PLEKHG2: variants seen among roughly 807,000 people sequenced by gnomAD.
The protein encoded by PLEKHG2 is pleckstrin homology domain-containing family G member 2.
In PLEKHG2, 71 loss-of-function variants were observed where a neutral mutation model predicts 104.4. The ratio of observed to expected loss-of-function variants is 0.68; its 90% CI spans 0.56 to 0.83. The LOEUF (loss-of-function observed/expected upper bound fraction) is 0.83. Among genes scored for constraint, PLEKHG2 ranks in the 40% least tolerant of loss-of-function variants. The pLI is 0.00. For missense variants in PLEKHG2, 1,730 were observed against 1,809.4 expected (o/e 0.96, Z 0.80); for synonymous variants, 728 against 737.0 (o/e 0.99, Z 0.20).
intron 7 of PLEKHG2, 148 bp downstream of exon 7, chr19:39,417,148 C>T: frequency 1.1e-6 from 1 of 931,536 alleles, no homozygotes; most frequent in South Asian, 1.9e-5. Flanking sequence ...CGCGCACAGC[C>T]CTAGCTTTTT....
In PLEKHG2 at chr19:39,415,045, C is replaced by A; in HGVS notation, c.163C>A (p.Leu55Met). 6.3e-7 allele frequency: 1 copy of A among 1,598,856 alleles called. No individual in the cohort carries two copies. The highest frequency in any genetic ancestry group is 2.3e-5 in the East Asian group (1 of 43,834). ...SPRGSGSSTS[L>M]STVGSEGDPA... ...CCGAGGTTCTGGGAGCTCCACATCCCTGAGCACAGTGGGCTCTGAGGGGGA... is the reference window on the plus strand; with the variant it reads ...CCGAGGTTCTGGGAGCTCCACATCCATGAGCACAGTGGGCTCTGAGGGGGA... Residue 55 changes from leucine (L) to methionine (M), a missense_variant, in exon 3 of 19, where the codon CTG (leucine) becomes ATG (methionine). Leu to Met is a conservative substitution (Grantham distance 15, BLOSUM62 2). Transcript: ENST00000425673. This position sits in a 1 kb window ranked among gnomAD's most constrained non-coding sequence, Gnocchi z 4.6.
In PLEKHG2 at chr19:39,425,502, G is replaced by C. The variant is rs1431635458; in HGVS notation, c.*208G>C. 1 of 771,214 alleles carries C rather than the reference G, an allele frequency of 1.3e-6. No individual in the cohort carries two copies. The highest frequency in any genetic ancestry group is 2.7e-5 in the South Asian group (1 of 36,878). 47.8% of individuals were successfully genotyped at this position (771,214 alleles called of 1,614,324 possible). ...ATGTCATTAATGTTTTGTTAATACT[G>C]ATTCTTTCATGCAATGATGTGTATT... On this transcript the variant is annotated 3_prime_UTR_variant, in exon 19 of 19. Coordinates refer to ENST00000425673, the MANE Select transcript of PLEKHG2 (RefSeq NM_022835.3).
At position 39,423,787 on chromosome 19, in the gene PLEKHG2, CAT is replaced by C. The variant is rs2078739758; in HGVS notation, c.2655_2656del (p.Ala887ProfsTer37). Reference sequence around the variant, plus strand: ...GTATGTGAGCTGGCCTTCCCACTGACATGTGCCCAGGAGTCTGTCCCCCTGGG... The same window carrying C: ...GTATGTGAGCTGGCCTTCCCACTGACGTGCCCAGGAGTCTGTCCCCCTGGG... On this transcript the variant is annotated frameshift_variant, in exon 19 of 19. Coordinates refer to ENST00000425673, the MANE Select transcript of PLEKHG2 (RefSeq NM_022835.3). LOFTEE classifies it low-confidence loss of function (END_TRUNC). The C allele has an allele frequency of 3.7e-6, 6 of 1,614,010 alleles. No individual in the cohort carries two copies. The highest frequency in any genetic ancestry group is 2.2e-5 in the South Asian group (2 of 91,072).
chr19:39,413,377 G>C lies in PLEKHG2; in HGVS notation c.-58G>C, dbSNP rs960598531. 3 of 152,212 alleles carry C rather than the reference G, an allele frequency of 2.0e-5. No individual in the cohort carries two copies. Among genetic ancestry groups the C allele is most frequent in the South Asian group, 2.1e-4 (1 of 4,830 alleles). 9.4% of individuals were successfully genotyped at this position (152,212 alleles called of 1,614,324 possible). A position where few individuals can be genotyped will look rare whatever the true frequency, so the allele number is the denominator to read the frequency against. On this transcript the variant is annotated 5_prime_UTR_variant, in exon 1 of 19. Transcript: ENST00000425673. The surrounding 1 kb of genome is among the most constrained non-coding windows in gnomAD (Gnocchi z 4.5). ...CCGCGTCGGGGTCGCGCAGGAGCCG[G>C]GCTGCCTCGAGCCGGGGCTGGAGGC...
rs370683646 is a variant in PLEKHG2, at chr19:39,415,325, A to G, written c.379-14A>G. 9 of 1,612,998 alleles carry G rather than the reference A, an allele frequency of 5.6e-6. No individual in the cohort carries two copies. Among genetic ancestry groups the G allele is most frequent in the Non-Finnish European group, 7.6e-6 (9 of 1,179,344 alleles). ...CCAGCCCCTTGGCCCCCATAACCCC[A>G]GTCATCCCAACAGGACTACCTGGGC... On this transcript the variant is annotated splice_polypyrimidine_tract_variant and intron_variant, in intron 3 of 18. Coordinates refer to ENST00000425673, the MANE Select transcript of PLEKHG2 (RefSeq NM_022835.3). The surrounding 1 kb of genome is among the most constrained non-coding windows in gnomAD (Gnocchi z 4.6).
At chr19:39,418,866 G>C (rs748314019) in intron 10 of PLEKHG2, 40 bp downstream of exon 10, 81 of 1,596,340 alleles carry the variant, frequency 5.1e-5, no homozygotes, top group Non-Finnish European at 6.9e-5. Flanking sequence ...GGATCCCCCA[G>C]CCTCGAGACC....
chr19:39,414,478 C>T (rs1017568180), intron 2 of PLEKHG2, among the ~76,000 whole-genome samples: 5 of 152,100 alleles, frequency 3.3e-5, no homozygotes, highest in East Asian at 1.9e-4. Context: ...GAAGGAGTTG[C>T]GCAAAGACAA....
Position 39,417,919 on chromosome 19 carries a change from G to A in PLEKHG2, c.897G>A (p.Arg299=), listed in dbSNP as rs1469893271. Residue 299 remains arginine (R), a synonymous_variant, in exon 9 of 19, where the codon CGG becomes CGA. Transcript: ENST00000425673. Reference sequence around the variant, plus strand: ...GGTCCCGGCAGGAAGTGCAGCGGCGGCTGGGTGGCTGGACCGGACCAGAGC... The same window carrying A: ...GGTCCCGGCAGGAAGTGCAGCGGCGACTGGGTGGCTGGACCGGACCAGAGC... ...HAARLQEVQR[R]LGGWTGPELS... 24 of 1,541,496 alleles carry A rather than the reference G, an allele frequency of 1.6e-5. No individual in the cohort carries two copies. Among genetic ancestry groups the A allele is most frequent in the Non-Finnish European group, 2.0e-5 (23 of 1,145,334 alleles).
Position 39,415,265 on chromosome 19 carries a change from G to A in PLEKHG2, c.378+5G>A, listed in dbSNP as rs2078584436. ...GACCTCCGCAGCATCGTGGAGGTAAGGCGGGCAGACACCAGAGGGCAGTGG... is the reference window on the plus strand; with the variant it reads ...GACCTCCGCAGCATCGTGGAGGTAAAGCGGGCAGACACCAGAGGGCAGTGG... On this transcript the variant is annotated splice_donor_5th_base_variant and intron_variant, in intron 3 of 18. Coordinates refer to ENST00000425673, the MANE Select transcript of PLEKHG2 (RefSeq NM_022835.3). The surrounding 1 kb of genome is among the most constrained non-coding windows in gnomAD (Gnocchi z 4.6). The A allele has an allele frequency of 6.3e-7, 1 of 1,596,836 alleles. No individual in the cohort carries two copies.
In PLEKHG2 at chr19:39,423,427, G is replaced by C. The variant is rs1274879420; in HGVS notation, c.2373G>C (p.Leu791=). 1.2e-6 allele frequency: 2 copies of C among 1,610,774 alleles called. No individual in the cohort carries two copies. The highest frequency in any genetic ancestry group is 1.7e-6 in the Non-Finnish European group (2 of 1,178,354). The change falls in exon 18 of 19, where the codon CTG becomes CTC. Residue 791 remains leucine, a synonymous_variant. Coordinates refer to ENST00000425673, the MANE Select transcript of PLEKHG2 (RefSeq NM_022835.3). Reference sequence around the variant, plus strand: ...GCTTCCCAGAGCCACTGCTGATCCTGGAGGATTCGGATCTGGGTGGAGACA... The same window carrying C: ...GCTTCCCAGAGCCACTGCTGATCCTCGAGGATTCGGATCTGGGTGGAGACA... The part of the protein sequence containing the change: ...RPGFPEPLLI[L]EDSDLGGDSG...
In PLEKHG2 at chr19:39,415,088, C is replaced by T; in HGVS notation, c.206C>T (p.Thr69Ile). Residue 69 changes from threonine to isoleucine, a missense_variant, in exon 3 of 19, where the codon ACT becomes ATT. Thr to Ile is a moderately conservative substitution (Grantham distance 89). Coordinates refer to ENST00000425673, the MANE Select transcript of PLEKHG2 (RefSeq NM_022835.3). This position sits in a 1 kb window ranked among gnomAD's most constrained non-coding sequence, Gnocchi z 4.6. ...GSEGDPAPGP[T>I]PACSASRPEP... Reference sequence around the variant, plus strand: ...GAGGGGGATCCAGCCCCTGGGCCCACTCCAGCCTGCTCAGCCTCCAGGCCA... The same window carrying T: ...GAGGGGGATCCAGCCCCTGGGCCCATTCCAGCCTGCTCAGCCTCCAGGCCA... The T allele has an allele frequency of 6.3e-7, 1 of 1,591,296 alleles. No homozygotes were observed.
In PLEKHG2 at chr19:39,416,974, A is replaced by G. The variant is rs758856107; in HGVS notation, c.718A>G (p.Ile240Val). The G allele has an allele frequency of 3.1e-6, 5 of 1,612,586 alleles. No homozygotes were observed. In the South Asian group the frequency reaches 5.5e-5, roughly 18 times the overall value. The change falls in exon 7 of 19, where the codon ATT becomes GTT. Residue 240 changes from isoleucine to valine, a missense_variant. By Grantham distance (29) the Ile-to-Val change is conservative. Transcript: ENST00000425673. This position sits in a 1 kb window ranked among gnomAD's most constrained non-coding sequence, Gnocchi z 4.5. ...CTTCCTGCTGAAACCTGTCCAGCGC[A>G]TTCTCAAGTACCATCTGCTGCTGCA... ...QSFLLKPVQR[I>V]LKYHLLLQEL...
chr19:39,418,884 TG>T, intron 10 of PLEKHG2, 32 bp from the exon 11 acceptor site: 1 of 1,598,458 alleles, frequency 6.3e-7, no homozygotes, highest in Middle Eastern at 1.7e-4. Context: ...ACCTCACACC[TG>T]GCCCCCTGAC....
chr19:39,420,074 G>T (rs1166033754), intron 11 of PLEKHG2, among the ~76,000 whole-genome samples: 6 of 151,002 alleles, frequency 4.0e-5, no homozygotes, highest in African/African-American at 1.5e-4. Flanking sequence ...AAATAAAATA[G>T]CTGGGCTGGA....
At chr19:39,417,237 C>G (rs1471977459) in intron 7 of PLEKHG2, among the ~76,000 whole-genome samples, 1 of 152,124 alleles carries the variant, frequency 6.6e-6, no homozygotes, top group Non-Finnish European at 1.5e-5. Context: ...ACTGCAACCT[C>G]CACCTCCTGG....
In PLEKHG2 at chr19:39,417,965, G is replaced by A. The variant is rs1318044263; in HGVS notation, c.943G>A (p.Val315Met). The change falls in exon 9 of 19, where the codon GTG (valine) becomes ATG (methionine). Residue 315 changes from valine (V) to methionine (M), a missense_variant. By Grantham distance (21) the Val-to-Met change is conservative. Coordinates refer to ENST00000425673, the MANE Select transcript of PLEKHG2 (RefSeq NM_022835.3). ...GPELSAFGEL[V>M]LEGAFRGGGG... The stretch of plus-strand genomic sequence containing the variant: ...AGAGCTCAGTGCTTTTGGGGAACTG[G>A]TGTTGGAGGGCGCGTTCCGAGGAGG... The A allele has an allele frequency of 5.2e-6, 8 of 1,544,446 alleles. No homozygotes were observed. In the Admixed American group the frequency reaches 1.6e-4, roughly 31 times the overall value.
chr19:39,419,900 A>AAAAG (rs35332828), intron 11 of PLEKHG2, among the ~76,000 whole-genome samples: 86,001 of 149,700 alleles, frequency 0.57, 25,091 homozygotes, highest in Middle Eastern at 0.69. Flanking sequence ...AAGAAAAAGA[A>AAAAG]AAATTAGCTG....
In PLEKHG2 at chr19:39,425,071, C is replaced by G. The variant is rs767068141; in HGVS notation, c.3938C>G (p.Thr1313Arg). The G allele has an allele frequency of 8.1e-6, 13 of 1,595,626 alleles. No individual in the cohort carries two copies. The highest frequency in any genetic ancestry group is 1.1e-5 in the Non-Finnish European group (13 of 1,171,410). ...CGGGGCTCCTGGTCCTCTGCTCCCA[C>G]GTCACGGGCATCTTCGCCGCCCCCC... is the stretch of plus-strand genomic sequence containing the variant. ...ASRGSWSSAP[T>R]SRASSPPPQP... Residue 1313 changes from threonine (T) to arginine (R), a missense_variant, in exon 19 of 19, where the codon ACG becomes AGG. Transcript: ENST00000425673.
At position 39,416,496 on chromosome 19, in the gene PLEKHG2, G is replaced by GAA; in HGVS notation, c.547-55_547-54insAA. 6.2e-7 allele frequency: 1 copy of GAA among 1,612,642 alleles called. No individual in the cohort carries two copies. The highest frequency in any genetic ancestry group is 8.5e-7 in the Non-Finnish European group (1 of 1,179,058). On this transcript the variant is annotated intron_variant, in intron 5 of 18. Coordinates refer to ENST00000425673, the MANE Select transcript of PLEKHG2 (RefSeq NM_022835.3). This position sits in a 1 kb window ranked among gnomAD's most constrained non-coding sequence, Gnocchi z 4.5. The stretch of plus-strand genomic sequence containing the variant: ...GAGCAGGCTTGGGCTAGGCTGGAAG[G>GAA]GGGGTCGTGGGAAGCCAGGACCTGG...
Sources: gnomAD v4.1 joint callset for allele counts (sites outside exome capture counted in the v4.1 genomes callset) on GRCh38, gnomAD v4.1.1 for gene constraint, Gnocchi (gnomAD v3.1) non-coding constraint, MANE v1.5 for transcripts, NCBI Gene and HGNC (gene_info 2026-07-23, HGNC 2026-07-21) for gene names.